Variants in C16orf96 observed in about 807,000 individuals in gnomAD.
C16orf96 encodes uncharacterized protein C16orf96.
Under a neutral mutation model 103.6 loss-of-function variants are expected in C16orf96, and 108 were observed. The ratio of observed to expected loss-of-function variants is 1.04; its 90% CI spans 0.89 to 1.22. The LOEUF is 1.22. Among genes scored for constraint, C16orf96 ranks in the 50% most tolerant of loss-of-function variants. The pLI, the probability that C16orf96 is intolerant of heterozygous loss-of-function variation, is 0.00. For synonymous variants in C16orf96, 566 were observed against 593.5 expected (o/e 0.95, Z 0.67); for missense variants, 1,586 against 1,464.2 (o/e 1.08, Z -1.36).
the C16orf96 span, among the ~76,000 whole-genome samples, chr16:4,548,033 A>G: frequency 2.6e-5 from 4 of 152,118 alleles, no homozygotes; most frequent in East Asian, 5.8e-4. Flanking sequence ...TGAATTATAC[A>G]TGGATGGATT....
intron 1 of C16orf96, among the ~76,000 whole-genome samples, chr16:4,558,098 G>T (rs28505517): frequency 0.075 from 11,417 of 152,242 alleles, 711 homozygotes; most frequent in African/African-American, 0.16. Context: ...CCAAGAACCA[G>T]CCCTGTGAGG....
intron 7 of C16orf96, among the ~76,000 whole-genome samples, chr16:4,585,289 T>TATA (rs1567452887): frequency 3.3e-4 from 5 of 15,174 alleles, no homozygotes; most frequent in African/African-American, 1.1e-3. Flanking sequence ...CCCCTGTCTC[T>TATA]ACAAAAAAAA....
the C16orf96 span, among the ~76,000 whole-genome samples, chr16:4,541,626 G>A: frequency 6.6e-6 from 1 of 152,164 alleles, no homozygotes; most frequent in East Asian, 1.9e-4. Flanking sequence ...TCTATTTAGT[G>A]TCATCTTTTT....
At chr16:4,581,223 T>C (rs958799936) in intron 7 of C16orf96, among the ~76,000 whole-genome samples, 21 of 142,180 alleles carry the variant, frequency 1.5e-4, no homozygotes, top group Non-Finnish European at 2.7e-4. Flanking sequence ...TAATCCCAGC[T>C]ACCTGGGAGG....
At chr16:4,542,191 C>T in the C16orf96 span, among the ~76,000 whole-genome samples, 2 of 152,004 alleles carry the variant, frequency 1.3e-5, no homozygotes, top group Non-Finnish European at 2.9e-5. Context: ...CCCATCTCTA[C>T]AAAAAAATTT....
rs780431171 is a variant in C16orf96, at chr16:4,592,366, C to T, written c.2773C>T (p.Pro925Ser). The stretch of plus-strand genomic sequence containing the variant: ...CCGGCCTGTGGAGATGATGACTGGC[C>T]CGTGAGTACCACCGCCCAGGGTGCC... ...CDRPVEMMTG[P>S]QLITIRKAHL... The change falls in exon 11 of 16, where the codon CCA (proline) becomes TCA (serine). Residue 925 changes from proline (P) to serine (S), a missense_variant and splice_region_variant. Physicochemically the swap from Pro to Ser is moderately conservative, Grantham distance 74 (BLOSUM62 -1). Coordinates refer to ENST00000444310, the MANE Select transcript of C16orf96 (RefSeq NM_001145011.2). 4.5e-6 allele frequency: 7 copies of T among 1,551,456 alleles called. No individual in the cohort carries two copies. Among genetic ancestry groups the T allele is most frequent in the African/African-American group, 2.7e-5 (2 of 73,046 alleles).
intron 6 of C16orf96, 138 bp from the exon 7 acceptor site, chr16:4,579,877 C>T: frequency 1.5e-6 from 1 of 658,336 alleles, no homozygotes; most frequent in Non-Finnish European, 2.6e-6. Flanking sequence ...TCCCAAAGTG[C>T]TGGGATTACA....
In C16orf96 at chr16:4,600,392, CCCA is replaced by C. The variant is rs1897259188; in HGVS notation, c.*79_*81del. 2 of 1,054,784 alleles carry C rather than the reference CCCA, an allele frequency of 1.9e-6. No homozygotes were observed. The highest frequency in any genetic ancestry group is 1.4e-5 in the South Asian group (1 of 69,848). The allele number at this position is 1,054,784 out of a possible 1,614,324, so 65.3% of individuals were successfully genotyped here. On this transcript the variant is annotated 3_prime_UTR_variant, in exon 16 of 16. Transcript: ENST00000444310. ...CTGAGGCCCATGTGGCCCTCCCACTCCCACCAAGTCCCCTCCACATCGGAGGCT... is the reference window on the plus strand; with the variant it reads ...CTGAGGCCCATGTGGCCCTCCCACTCCCAAGTCCCCTCCACATCGGAGGCT...
At chr16:4,580,719 G>T (rs2059574802) in intron 7 of C16orf96, among the ~76,000 whole-genome samples, 1 of 152,090 alleles carries the variant, frequency 6.6e-6, no homozygotes. Context: ...GGGCGCGGTG[G>T]TTCACGCCTA....
At chr16:4,578,685 G>A (rs1043447804) in intron 5 of C16orf96, among the ~76,000 whole-genome samples, 16 of 152,064 alleles carry the variant, frequency 1.1e-4, no homozygotes, top group African/African-American at 3.9e-4. Context: ...TTAAACCCAG[G>A]AGGCGGAAGT....
chr16:4,593,180 A>G lies in C16orf96; in HGVS notation c.2775-44A>G. The G allele has an allele frequency of 6.5e-7, 1 of 1,528,474 alleles. No homozygotes were observed. The highest frequency in any genetic ancestry group is 8.9e-7 in the Non-Finnish European group (1 of 1,127,052). The allele number at this position is 1,528,474 out of a possible 1,614,324, so 94.7% of individuals were successfully genotyped here. On this transcript the variant is annotated intron_variant, in intron 11 of 15. Coordinates refer to ENST00000444310, the MANE Select transcript of C16orf96 (RefSeq NM_001145011.2). This position sits in a 1 kb window ranked among gnomAD's most constrained non-coding sequence, Gnocchi z 4.2. ...TGGGAGACGAGCCCTCTGCTGGCCTAGCACGCCTCCCACAGCCCCTGCTGT... is the reference window on the plus strand; with the variant it reads ...TGGGAGACGAGCCCTCTGCTGGCCTGGCACGCCTCCCACAGCCCCTGCTGT...
chr16:4,555,190 G>A (rs2059250776), upstream of C16orf96, among the ~76,000 whole-genome samples: 1 of 150,742 alleles, frequency 6.6e-6, no homozygotes, highest in Non-Finnish European at 1.5e-5. Context: ...TTGAACCCAG[G>A]AGGCGGAGGT....
At chr16:4,562,987 T>G (rs1162694785) in intron 1 of C16orf96, 3 of 1,193,166 alleles carry the variant, frequency 2.5e-6, no homozygotes, top group Non-Finnish European at 3.7e-6. Flanking sequence ...CCAACGTACC[T>G]CATTTTCCCA....
At chr16:4,598,746 G>A (rs1232418088) in intron 14 of C16orf96, among the ~76,000 whole-genome samples, 1 of 152,150 alleles carries the variant, frequency 6.6e-6, no homozygotes, top group African/African-American at 2.4e-5. Flanking sequence ...CTGAAATCAC[G>A]TCACACTCCT....
the C16orf96 span, among the ~76,000 whole-genome samples, chr16:4,549,655 G>A: frequency 5.4e-4 from 81 of 151,054 alleles, no homozygotes; most frequent in African/African-American, 1.9e-3. Flanking sequence ...AAAATTAGCC[G>A]GGCAGGGTTG....
At chr16:4,546,739 A>C in the C16orf96 span, among the ~76,000 whole-genome samples, 1 of 151,408 alleles carries the variant, frequency 6.6e-6, no homozygotes, top group Non-Finnish European at 1.5e-5. Flanking sequence ...TAAAGTGCTG[A>C]GATTACAGGC....
rs1897237404 is a variant in C16orf96, at chr16:4,599,308, C to T, written c.3152C>T (p.Ser1051Leu). The change falls in exon 15 of 16, where the codon TCA (serine) becomes TTA (leucine). Residue 1051 changes from serine (S) to leucine (L), a missense_variant. Physicochemically the swap from Ser to Leu is moderately radical, Grantham distance 145 (BLOSUM62 -2). Coordinates refer to ENST00000444310, the MANE Select transcript of C16orf96 (RefSeq NM_001145011.2). ...GCTGTGAAGGCTCCATCTCCCCCGT[C>T]ACAAAGCCTGTATGACCGTGTGCAC... ...LAAVKAPSPPSQSLYDRVHSS... is the reference protein window; with the variant it reads ...LAAVKAPSPPLQSLYDRVHSS... 6.4e-7 allele frequency: 1 copy of T among 1,551,528 alleles called. No homozygotes were observed. The highest frequency in any genetic ancestry group is 1.4e-5 in the African/African-American group (1 of 73,012).
chr16:4,575,729 C>G lies in C16orf96; in HGVS notation c.1249C>G (p.Gln417Glu), dbSNP rs2059496771. The change falls in exon 5 of 16, where the codon CAG becomes GAG. Residue 417 changes from glutamine (Q) to glutamate (E), a missense_variant. Gln to Glu is a conservative substitution (Grantham distance 29). Coordinates refer to ENST00000444310, the MANE Select transcript of C16orf96 (RefSeq NM_001145011.2). ...LWDLGVLRPT[Q>E]PQPSRAPPPA... ...GGACTTAGGTGTCCTGCGGCCAACT[C>G]AGCCCCAACCCTCCAGGGCCCCACC... 1 of 1,536,764 alleles carries G rather than the reference C, an allele frequency of 6.5e-7. No individual in the cohort carries two copies.
At chr16:4,573,206 A>T (rs539470722) in intron 2 of C16orf96, among the ~76,000 whole-genome samples, 12 of 152,072 alleles carry the variant, frequency 7.9e-5, no homozygotes, top group Non-Finnish European at 1.8e-4. Context: ...GGGAAGCCAA[A>T]GCAGGCGGAT....
Sources: gnomAD v4.1 joint callset for allele counts (sites outside exome capture counted in the v4.1 genomes callset) on GRCh38, gnomAD v4.1.1 for gene constraint, Gnocchi (gnomAD v3.1) non-coding constraint, MANE v1.5 for transcripts, NCBI Gene and HGNC (gene_info 2026-07-23, HGNC 2026-07-21) for gene names.